Variants in SAMD3 observed in about 807,000 individuals in gnomAD.
The protein encoded by SAMD3 is sterile alpha motif domain containing 3, also known as sterile alpha motif domain-containing protein 3.
A neutral mutation model predicts 58.5 loss-of-function variants in SAMD3; 63 were observed. The ratio of observed to expected loss-of-function variants is 1.08; its 90% CI spans 0.88 to 1.33. The LOEUF (loss-of-function observed/expected upper bound fraction) is 1.33. Among genes scored for constraint, SAMD3 ranks in the 40% most tolerant of loss-of-function variants. The probability of loss-of-function intolerance (pLI) is 0.00; values close to 1 mark genes in which losing one functional copy is unlikely to be tolerated. For synonymous variants in SAMD3, 220 were observed against 210.3 expected, an observed-to-expected ratio of 1.05 and a Z score of -0.40; for missense variants, 604 against 608.4, an observed-to-expected ratio of 0.99 and a Z score of 0.08.
intron 9 of SAMD3, 105 bp downstream of exon 9, chr6:130,154,711 AAAAAAAAAT>A (rs1321026204): frequency 0.012 from 1,576 of 126,516 alleles, 8 homozygotes; most frequent in East Asian, 0.046. Flanking sequence ...AAAAAAAAAA[AAAAAAAAAT>A]ATATATATAT....
chr6:130,329,727 A>G (rs1583114154), intron 1 of SAMD3, among the ~76,000 whole-genome samples: 1 of 152,338 alleles, frequency 6.6e-6, no homozygotes, highest in Middle Eastern at 3.4e-3. Flanking sequence ...ATGGAGTACT[A>G]TGCAGCCATA....
At chr6:130,147,129 C>G (rs1013708784) in intron 9 of SAMD3, among the ~76,000 whole-genome samples, 5 of 152,204 alleles carry the variant, frequency 3.3e-5, no homozygotes, top group Non-Finnish European at 1.5e-5. Flanking sequence ...ACCACTCCCC[C>G]TCCTGTTTTT....
In SAMD3 at chr6:130,201,274, A is replaced by G. The variant is rs143339081; in HGVS notation, c.383+8221T>C. 7.9e-5 allele frequency among the ~76,000 whole-genome samples: 12 copies of G among 152,252 alleles called. No homozygotes were observed. The East Asian group carries it at 2.3e-3, about 29-fold the overall frequency. ...CACTGAATCTCTTTGATTATTCCCT[A>G]ACCTACAGCAGTAGTTTTCAATTCT... is the stretch of plus-strand genomic sequence containing the variant. On this transcript the variant is annotated intron_variant, in intron 5 of 11. Coordinates refer to ENST00000439090, the MANE Select transcript of SAMD3 (RefSeq NM_001017373.4).
intron 2 of SAMD3, among the ~76,000 whole-genome samples, chr6:130,302,460 CACTT>C (rs1474135500): frequency 2.6e-5 from 4 of 152,146 alleles, no homozygotes; most frequent in Admixed American, 2.6e-4. Context: ...GAAAAGAGAA[CACTT>C]ACACACTGTT....
At chr6:130,360,508 G>A (rs536810531) in intron 1 of SAMD3, among the ~76,000 whole-genome samples, 77 of 152,290 alleles carry the variant, frequency 5.1e-4, no homozygotes, top group Non-Finnish European at 9.1e-4. Flanking sequence ...GGGAGTGTAC[G>A]AATAGGGTGT....
rs146171380 is a variant in SAMD3 at position 130,237,950 on chromosome 6, G to A, written c.-187-15137C>T. 6.7e-4 allele frequency among the ~76,000 whole-genome samples: 102 copies of A among 152,142 alleles called. 1 individual carries two copies. The East Asian group carries it at 0.014, about 22-fold the overall frequency. On this transcript the variant is annotated intron_variant, in intron 2 of 13. Coordinates refer to the SAMD3 transcript ENST00000368134. The stretch of plus-strand genomic sequence containing the variant: ...CCAAGTCTAGGAAACATAAAAAAAC[G>A]ATAAATGCTAAACCTATTTAGCTGT...
intron 2 of SAMD3, among the ~76,000 whole-genome samples, chr6:130,267,495 G>A (rs1346817747): frequency 6.6e-6 from 1 of 152,184 alleles, no homozygotes; most frequent in African/African-American, 2.4e-5. Context: ...GAGTCTCAAA[G>A]TGGGGAAATG....
chr6:130,150,049 T>G (rs1352457995), intron 9 of SAMD3, among the ~76,000 whole-genome samples: 1 of 152,228 alleles, frequency 6.6e-6, no homozygotes, highest in Non-Finnish European at 1.5e-5. Flanking sequence ...CATGGTGATG[T>G]TTTCATTTCA....
Position 130,299,624 on chromosome 6 carries a change from G to A in SAMD3, c.-188+13354C>T, listed in dbSNP as rs1220105350. Among the ~76,000 whole-genome samples, 4 of 152,120 alleles carry A rather than the reference G, an allele frequency of 2.6e-5. No individual in the cohort carries two copies. The East Asian group carries it at 5.8e-4, about 22-fold the overall frequency. The stretch of plus-strand genomic sequence containing the variant: ...AATAACAAAGATTATAGCAAAACTA[G>A]ATGAAATTGAGGCCAAAAAACCAGA... On this transcript the variant is annotated intron_variant, in intron 2 of 13. Transcript: ENST00000368134.
intron 1 of SAMD3, among the ~76,000 whole-genome samples, chr6:130,318,135 G>A (rs986004725): frequency 1.3e-5 from 2 of 152,178 alleles, no homozygotes; most frequent in Non-Finnish European, 2.9e-5. Flanking sequence ...ACATGGAGCC[G>A]CAACTGGAAC....
At chr6:130,225,591 A>C (rs2114870265), upstream of SAMD3, among the ~76,000 whole-genome samples, 1 of 152,342 alleles carries the variant, frequency 6.6e-6, no homozygotes, top group Non-Finnish European at 1.5e-5. Context: ...AGATTGTTCC[A>C]AGGTAAACTT....
At chr6:130,198,557 C>T (rs1403352616) in intron 5 of SAMD3, among the ~76,000 whole-genome samples, 1 of 152,106 alleles carries the variant, frequency 6.6e-6, no homozygotes. Flanking sequence ...AAAAGGAGCT[C>T]TCTGTTGTGC....
At chr6:130,270,746 G>A (rs1187597251) in intron 2 of SAMD3, among the ~76,000 whole-genome samples, 3 of 152,120 alleles carry the variant, frequency 2.0e-5, no homozygotes, top group Non-Finnish European at 2.9e-5. Flanking sequence ...ATATCCCATT[G>A]TATGAATAAA....
intron 2 of SAMD3, among the ~76,000 whole-genome samples, chr6:130,270,243 C>T (rs971053759): frequency 1.4e-4 from 22 of 152,238 alleles, no homozygotes; most frequent in African/African-American, 5.1e-4. Flanking sequence ...AGGTGTGTGC[C>T]ACCAGGCCCT....
At chr6:130,335,666 AT>A (rs1777076407) in intron 1 of SAMD3, among the ~76,000 whole-genome samples, 1 of 152,222 alleles carries the variant, frequency 6.6e-6, no homozygotes, top group African/African-American at 2.4e-5. Flanking sequence ...ATTACTGGGT[AT>A]ATACCCAAAG....
intron 2 of SAMD3, among the ~76,000 whole-genome samples, chr6:130,237,727 G>A (rs575203295): frequency 6.6e-6 from 1 of 152,074 alleles, no homozygotes; most frequent in African/African-American, 2.4e-5. Flanking sequence ...CAAACTACTC[G>A]TAAGTGTCTT....
chr6:130,327,998 A>T (rs1776809915), intron 1 of SAMD3, among the ~76,000 whole-genome samples: 1 of 152,194 alleles, frequency 6.6e-6, no homozygotes, highest in Non-Finnish European at 1.5e-5. Context: ...TGGACCAGCC[A>T]AGAAGGCTCT....
At chr6:130,232,902 G>C (rs1486468162) in intron 2 of SAMD3, among the ~76,000 whole-genome samples, 1 of 152,122 alleles carries the variant, frequency 6.6e-6, no homozygotes, top group Non-Finnish European at 1.5e-5. Flanking sequence ...GAAGGAATTG[G>C]CCAGTAGGAA....
At chr6:130,162,271 G>A (rs530376607) in intron 8 of SAMD3, 24 of 701,792 alleles carry the variant, frequency 3.4e-5, no homozygotes, top group African/African-American at 3.0e-4. Context: ...AGTTTAAGCT[G>A]ACAGCTGGAG....
Sources: gnomAD v4.1 joint callset for allele counts (sites outside exome capture counted in the v4.1 genomes callset) on GRCh38, gnomAD v4.1.1 for gene constraint, MANE v1.5 for transcripts, NCBI Gene and HGNC (gene_info 2026-07-23, HGNC 2026-07-21) for gene names.